The following FOXP1 variants were observed in gnomAD, a reference collection of about 807,000 sequenced individuals.
FOXP1 encodes forkhead box protein P1.
A neutral mutation model predicts 98.2 loss-of-function variants in FOXP1; 15 were observed. The observed-to-expected ratio is 0.15, with a 90% confidence interval of 0.10 to 0.24. The LOEUF (loss-of-function observed/expected upper bound fraction) is 0.24, where lower values mean the gene tolerates loss of function less well. Among genes scored for constraint, FOXP1 ranks in the 10% least tolerant of loss-of-function variants. The probability of loss-of-function intolerance (pLI) is 1.00; values close to 1 mark genes in which losing one functional copy is unlikely to be tolerated. For synonymous variants in FOXP1, 371 were observed against 314.5 expected (o/e 1.18, Z -1.90); for missense variants, 633 against 848.5 (o/e 0.75, Z 3.15).
At chr3:71,324,985 G>A (rs909871150) in intron 4 of FOXP1, among the ~76,000 whole-genome samples, 5 of 151,898 alleles carry the variant, frequency 3.3e-5, no homozygotes, top group African/African-American at 7.3e-5. Flanking sequence ...TGGGAATGTG[G>A]ACCCAGCGCT....
intron 2 of FOXP1, among the ~76,000 whole-genome samples, chr3:71,562,301 A>G (rs2046601313): frequency 6.6e-6 from 1 of 152,246 alleles, no homozygotes; most frequent in Non-Finnish European, 1.5e-5. Flanking sequence ...AATTACATAC[A>G]TTAACTTACC....
At chr3:71,092,754 C>T (rs1229752092) in intron 7 of FOXP1, among the ~76,000 whole-genome samples, 1 of 151,764 alleles carries the variant, frequency 6.6e-6, no homozygotes, top group African/African-American at 2.4e-5. Context: ...TGAAGGAAAA[C>T]TTGAGCTCCC....
intron 7 of FOXP1, among the ~76,000 whole-genome samples, chr3:71,083,911 C>T (rs553143456): frequency 6.6e-6 from 1 of 152,296 alleles, no homozygotes; most frequent in Admixed American, 6.5e-5. Flanking sequence ...CCTCCTTCCA[C>T]AAGAAGATTA....
At chr3:71,485,940 G>A (rs2106921181) in intron 3 of FOXP1, among the ~76,000 whole-genome samples, 1 of 152,238 alleles carries the variant, frequency 6.6e-6, no homozygotes, top group Admixed American at 6.5e-5. Flanking sequence ...TAAAAATCTT[G>A]CAGATGAAGC....
intron 5 of FOXP1, among the ~76,000 whole-genome samples, chr3:71,204,143 T>C (rs1047025637): frequency 1.3e-5 from 2 of 152,176 alleles, no homozygotes; most frequent in Non-Finnish European, 2.9e-5. Context: ...AGAGGTACTT[T>C]TAAAATTACT....
chr3:71,421,796 A>G (rs1577410855), intron 3 of FOXP1, among the ~76,000 whole-genome samples: 1 of 152,092 alleles, frequency 6.6e-6, no homozygotes, highest in Non-Finnish European at 1.5e-5. Context: ...TACTCTTAAA[A>G]CCATCACCAC....
intron 17 of FOXP1, among the ~76,000 whole-genome samples, chr3:70,975,589 C>A (rs1044012195): frequency 1.3e-5 from 2 of 152,140 alleles, no homozygotes; most frequent in African/African-American, 2.4e-5. Context: ...TTATTTCAGG[C>A]GAAGGAAGTT....
In FOXP1 at chr3:71,276,420, A is replaced by C. The variant is rs559166511; in HGVS notation, c.-12+23400T>G. The stretch of plus-strand genomic sequence containing the variant: ...GAAAAATCTAGGATGTGTCTAATCC[A>C]GTTTCATTATCTTCCAACTCCACAT... On this transcript the variant is annotated intron_variant, in intron 5 of 20. Transcript: ENST00000649528. 1.1e-4 allele frequency: 16 copies of C among 152,224 alleles called. No individual in the cohort carries two copies. The South Asian group carries it at 3.3e-3, about 32-fold the overall frequency. The allele number at this position is 152,224 out of a possible 1,614,324, so 9.4% of individuals were successfully genotyped here.
intron 3 of FOXP1, among the ~76,000 whole-genome samples, chr3:71,415,535 G>A (rs757283205): frequency 3.3e-5 from 5 of 152,118 alleles, no homozygotes; most frequent in Non-Finnish European, 7.3e-5. Flanking sequence ...CAACTCCCTG[G>A]TTTCACAGAG....
At chr3:71,348,532 T>C (rs866361042) in intron 4 of FOXP1, among the ~76,000 whole-genome samples, 5 of 139,170 alleles carry the variant, frequency 3.6e-5, no homozygotes, top group East Asian at 2.1e-4. Flanking sequence ...CGTGTGTGTG[T>C]GTGTGTGTGT....
chr3:71,414,780 A>AAAAAGATGCTCT (rs2083082956), intron 3 of FOXP1, among the ~76,000 whole-genome samples: 1 of 152,250 alleles, frequency 6.6e-6, no homozygotes, highest in African/African-American at 2.4e-5. Context: ...CTAAAAAGAC[A>AAAAAGATGCTCT]ATCACAGAGC....
At chr3:70,999,878 G>A (rs1268701137) in intron 13 of FOXP1, among the ~76,000 whole-genome samples, 4 of 152,122 alleles carry the variant, frequency 2.6e-5, no homozygotes, top group Admixed American at 2.0e-4. Flanking sequence ...TAGGCTTTTC[G>A]ATGGCTGGTA....
intron 6 of FOXP1, among the ~76,000 whole-genome samples, chr3:71,139,667 G>A (rs2059976095): frequency 6.6e-6 from 1 of 151,770 alleles, no homozygotes; most frequent in African/African-American, 2.4e-5. Flanking sequence ...GGATGTCACT[G>A]CTTTGGTTCT....
intron 3 of FOXP1, among the ~76,000 whole-genome samples, chr3:71,413,429 C>T (rs562120404): frequency 2.4e-4 from 37 of 152,080 alleles, no homozygotes; most frequent in African/African-American, 7.7e-4. Context: ...CACAGACATG[C>T]CCACACACAC....
At chr3:71,052,023 T>C (rs571019439) in intron 9 of FOXP1, among the ~76,000 whole-genome samples, 4 of 152,316 alleles carry the variant, frequency 2.6e-5, no homozygotes, top group African/African-American at 9.6e-5. Flanking sequence ...AGCAATTACA[T>C]TATGTACAAC....
intron 7 of FOXP1, among the ~76,000 whole-genome samples, chr3:71,058,625 G>T (rs1281278781): frequency 6.6e-6 from 1 of 150,904 alleles, no homozygotes. Context: ...AAAAAACTAT[G>T]CCAAGTTTTT....
rs1170744174 is a variant in FOXP1, at chr3:71,398,314, A to G, written c.-167-39070T>C. 4.6e-5 allele frequency among the ~76,000 whole-genome samples: 7 copies of G among 152,292 alleles called. No individual in the cohort carries two copies. The East Asian group carries it at 1.4e-3, about 29-fold the overall frequency. ...CTGATTTCTTTGAATTCTCATATTAACCACTCTCATTTTTTTAAAACAGTG... is the reference window on the plus strand; with the variant it reads ...CTGATTTCTTTGAATTCTCATATTAGCCACTCTCATTTTTTTAAAACAGTG... On this transcript the variant is annotated intron_variant, in intron 3 of 20. Transcript: ENST00000649528.
chr3:71,329,370 C>G (rs1262137340), intron 4 of FOXP1, among the ~76,000 whole-genome samples: 1 of 151,906 alleles, frequency 6.6e-6, no homozygotes, highest in Non-Finnish European at 1.5e-5. Flanking sequence ...TACAGGCACC[C>G]GCCACCAGGC....
chr3:71,253,862 CATGTAA>C (rs2068420283), intron 5 of FOXP1, among the ~76,000 whole-genome samples: 1 of 152,080 alleles, frequency 6.6e-6, no homozygotes, highest in Non-Finnish European at 1.5e-5. Flanking sequence ...AAATGTTATA[CATGTAA>C]GGATAGCCCT....
Sources: gnomAD v4.1 joint callset for allele counts (sites outside exome capture counted in the v4.1 genomes callset) on GRCh38, gnomAD v4.1.1 for gene constraint, MANE v1.5 for transcripts, NCBI Gene and HGNC (gene_info 2026-07-23, HGNC 2026-07-21) for gene names.